The following ASIC2 variants were observed in gnomAD, a reference collection of about 807,000 sequenced individuals.
ASIC2 encodes the protein acid-sensing ion channel 2.
In ASIC2, 25 loss-of-function variants were observed where a neutral mutation model predicts 57.3. The ratio of observed to expected loss-of-function variants is 0.44; its 90% CI spans 0.32 to 0.61. The LOEUF (loss-of-function observed/expected upper bound fraction) is 0.61, where lower values mean the gene tolerates loss of function less well. Ranked by LOEUF, ASIC2 falls within the 20% of genes least tolerant of loss-of-function variation. The pLI is 0.06. For missense variants in ASIC2, 641 were observed against 738.1 expected, an observed-to-expected ratio of 0.87 and a Z score of 1.52; for synonymous variants, 319 against 307.5, an observed-to-expected ratio of 1.04 and a Z score of -0.39.
intron 1 of ASIC2, among the ~76,000 whole-genome samples, chr17:34,075,086 G>A (rs1032860255): frequency 6.6e-6 from 1 of 152,146 alleles, no homozygotes; most frequent in African/African-American, 2.4e-5. Context: ...CGCCCGGCCA[G>A]AGTGTGGCTT....
chr17:33,483,508 G>A (rs1205061118), intron 1 of ASIC2, among the ~76,000 whole-genome samples: 2 of 152,196 alleles, frequency 1.3e-5, no homozygotes, highest in Non-Finnish European at 2.9e-5. Context: ...CAGGTGGAGC[G>A]AGGTTTCTCC....
At chr17:33,409,132 T>C (rs2141963525) in intron 1 of ASIC2, among the ~76,000 whole-genome samples, 1 of 152,272 alleles carries the variant, frequency 6.6e-6, no homozygotes, top group South Asian at 2.1e-4. Context: ...GGAGAATTTA[T>C]TGAGCCTGGG....
At chr17:34,056,704 T>C (rs1908777650) in intron 1 of ASIC2, among the ~76,000 whole-genome samples, 2 of 152,236 alleles carry the variant, frequency 1.3e-5, no homozygotes, top group South Asian at 4.1e-4. Context: ...GGTCAATCTA[T>C]ATTATTTACT....
chr17:33,462,864 G>A (rs1278794798), intron 1 of ASIC2, among the ~76,000 whole-genome samples: 1 of 152,138 alleles, frequency 6.6e-6, no homozygotes, highest in Non-Finnish European at 1.5e-5. Context: ...TTTCTACTTT[G>A]CGGCTAGATG....
intron 1 of ASIC2, among the ~76,000 whole-genome samples, chr17:33,477,061 C>T (rs1250960987): frequency 6.6e-6 from 1 of 152,142 alleles, no homozygotes; most frequent in African/African-American, 2.4e-5. Context: ...ATCTGTCTAT[C>T]TGGCTCTATT....
chr17:34,095,104 G>C (rs1366103826), intron 1 of ASIC2, among the ~76,000 whole-genome samples: 1 of 152,182 alleles, frequency 6.6e-6, no homozygotes, highest in African/African-American at 2.4e-5. Context: ...CATTAAACAG[G>C]ATGATCTCTT....
intron 1 of ASIC2, among the ~76,000 whole-genome samples, chr17:33,256,022 G>A (rs377330564): frequency 9.9e-5 from 15 of 152,052 alleles, no homozygotes; most frequent in East Asian, 5.8e-4. Flanking sequence ...GAAAAAAAAC[G>A]CATTACAGAT....
chr17:33,899,311 G>T (rs117962619), intron 1 of ASIC2, among the ~76,000 whole-genome samples: 1 of 152,138 alleles, frequency 6.6e-6, no homozygotes, highest in Non-Finnish European at 1.5e-5. Flanking sequence ...AAGCTGAACC[G>T]TGGGGTGGAC....
At chr17:33,535,780 C>T (rs915855332) in intron 1 of ASIC2, among the ~76,000 whole-genome samples, 11 of 152,158 alleles carry the variant, frequency 7.2e-5, no homozygotes, top group African/African-American at 1.7e-4. Context: ...AAAAAGAAGT[C>T]GTGTATGGAG....
chr17:34,092,664 C>G (rs1258352561), intron 1 of ASIC2, among the ~76,000 whole-genome samples: 2 of 152,164 alleles, frequency 1.3e-5, no homozygotes, highest in African/African-American at 4.8e-5. Context: ...CAATTTGCCT[C>G]ATTTTAGTTT....
At chr17:34,120,169 T>C (rs1269237703) in intron 1 of ASIC2, 3 of 152,208 alleles carry the variant, frequency 2.0e-5, no homozygotes, top group Admixed American at 6.5e-5. Context: ...TGGCCATAGA[T>C]TTGAGCTCCT....
chr17:34,001,825 G>T (rs1906355011), intron 1 of ASIC2: 4 of 152,186 alleles, frequency 2.6e-5, no homozygotes, highest in Admixed American at 2.6e-4. Flanking sequence ...TCTCTCTCCT[G>T]GATTCCTTCA....
At chr17:33,835,954 A>G (rs1913260753) in intron 1 of ASIC2, among the ~76,000 whole-genome samples, 1 of 150,940 alleles carries the variant, frequency 6.6e-6, no homozygotes, top group African/African-American at 2.4e-5. Flanking sequence ...AGTATATGAA[A>G]TACTAATTAT....
intron 3 of ASIC2, among the ~76,000 whole-genome samples, chr17:33,069,743 T>C (rs2092059719): frequency 6.6e-6 from 1 of 152,094 alleles, no homozygotes; most frequent in East Asian, 1.9e-4. Context: ...TTAAAATACA[T>C]TTTTTCTGGG....
intron 1 of ASIC2, among the ~76,000 whole-genome samples, chr17:34,122,398 C>T (rs1285964618): frequency 1.3e-5 from 2 of 152,208 alleles, no homozygotes; most frequent in African/African-American, 2.4e-5. Context: ...GTCAAAGTCT[C>T]GCAATTAAAA....
At chr17:33,367,934 T>A (rs575875572) in intron 1 of ASIC2, among the ~76,000 whole-genome samples, 9 of 152,320 alleles carry the variant, frequency 5.9e-5, no homozygotes, top group Admixed American at 2.6e-4. Context: ...AGGCCCAGTA[T>A]TTATACCTTT....
intron 1 of ASIC2, among the ~76,000 whole-genome samples, chr17:33,691,433 A>G (rs1460478288): frequency 6.6e-6 from 1 of 152,138 alleles, no homozygotes; most frequent in Admixed American, 6.5e-5. Context: ...GGAAAAACAT[A>G]GTATTTATTT....
chr17:33,204,257 C>T (rs2142081374), intron 1 of ASIC2, among the ~76,000 whole-genome samples: 1 of 152,296 alleles, frequency 6.6e-6, no homozygotes, highest in South Asian at 2.1e-4. Context: ...CCAGGCAGGC[C>T]CTACTTGTCT....
At chr17:33,210,471 C>T (rs1348070628) in intron 1 of ASIC2, among the ~76,000 whole-genome samples, 1 of 152,176 alleles carries the variant, frequency 6.6e-6, no homozygotes, top group African/African-American at 2.4e-5. Context: ...GCACTCTCAT[C>T]CCCTCCACCC....
Sources: gnomAD v4.1 joint callset for allele counts (sites outside exome capture counted in the v4.1 genomes callset) on GRCh38, gnomAD v4.1.1 for gene constraint, MANE v1.5 for transcripts, NCBI Gene and HGNC (gene_info 2026-07-23, HGNC 2026-07-21) for gene names.